The following VPS13C variants were observed in gnomAD, a reference collection of about 807,000 sequenced individuals.
VPS13C encodes vacuolar protein sorting 13 homolog C, also known as intermembrane lipid transfer protein VPS13C.
A neutral mutation model predicts 456.8 loss-of-function variants in VPS13C; 358 were observed. That is an observed-to-expected ratio of 0.78 (90% CI 0.72 to 0.86). The LOEUF is 0.86. Ranked by LOEUF, VPS13C falls within the 40% of genes least tolerant of loss-of-function variation. The pLI, the probability that VPS13C is intolerant of heterozygous loss-of-function variation, is 0.00. For missense variants in VPS13C, 4,818 were observed against 4,385.4 expected, an observed-to-expected ratio of 1.10 and a Z score of -2.79; for synonymous variants, 1,578 against 1,486.7, an observed-to-expected ratio of 1.06 and a Z score of -1.41.
intron 15 of VPS13C, among the ~76,000 whole-genome samples, chr15:62,003,782 T>A (rs1456539163): frequency 6.6e-6 from 1 of 151,904 alleles, no homozygotes; most frequent in Non-Finnish European, 1.5e-5. Context: ...GATAATCATG[T>A]GGTTTTTGTC....
At chr15:62,003,214 C>G (rs923639339) in intron 15 of VPS13C, among the ~76,000 whole-genome samples, 7 of 151,552 alleles carry the variant, frequency 4.6e-5, no homozygotes, top group Admixed American at 6.5e-5. Flanking sequence ...GTTTGTAGTT[C>G]TCCTTGAAGA....
At chr15:62,012,893 T>C (rs954899198) in intron 11 of VPS13C, 146 bp downstream of exon 11, 13 of 502,392 alleles carry the variant, frequency 2.6e-5, no homozygotes, top group East Asian at 1.7e-4. Context: ...CATAGTGGAT[T>C]TGAAAGGATG....
At chr15:61,947,451 C>T (rs940498616) in intron 42 of VPS13C, 142 bp from the exon 43 acceptor site, 3 of 535,380 alleles carry the variant, frequency 5.6e-6, no homozygotes, top group Non-Finnish European at 9.9e-6. Context: ...ATGTAATTAA[C>T]ATAAATTTTG....
rs1207713664 is a variant in VPS13C, at chr15:61,880,719, TTGTC to T, written c.9889-1_9891del. 3.2e-6 allele frequency: 5 copies of T among 1,571,090 alleles called. No homozygotes were observed. The highest frequency in any genetic ancestry group is 3.4e-6 in the Non-Finnish European group (4 of 1,160,466). ...GCATCAATATCTTGTTGGATTAACTTTGTCTGAAAAAAATAAAATCAAGAATTTC... is the reference window on the plus strand; with the variant it reads ...GCATCAATATCTTGTTGGATTAACTTTGAAAAAAATAAAATCAAGAATTTC... On this transcript the variant is annotated splice_acceptor_variant and coding_sequence_variant, in exon 73 of 85. Transcript: ENST00000644861. LOFTEE classifies it high-confidence loss of function.
chr15:61,964,983 G>C lies in VPS13C; in HGVS notation c.3052-122C>G, dbSNP rs529648159. On this transcript the variant is annotated intron_variant, in intron 30 of 84. Coordinates refer to ENST00000644861, the MANE Select transcript of VPS13C (RefSeq NM_020821.3). ...ATTGCTTTCCACCACTCTGAAGGAA[G>C]AGTAAAAAGTGGAAGATTCACAATC... is the stretch of plus-strand genomic sequence containing the variant. The C allele has an allele frequency of 2.8e-5, 25 of 898,350 alleles. No homozygotes were observed. The African/African-American group carries it at 3.9e-4, about 14-fold the overall frequency. The allele number at this position is 898,350 out of a possible 1,614,324, so 55.6% of individuals were successfully genotyped here. A position where few individuals can be genotyped will look rare whatever the true frequency, so the allele number is the denominator to read the frequency against.
chr15:62,022,350 T>C (rs1026727432), intron 8 of VPS13C, among the ~76,000 whole-genome samples: 3 of 151,950 alleles, frequency 2.0e-5, no homozygotes, highest in Admixed American at 2.0e-4. Context: ...CTCCACACTG[T>C]TTTCCAAAAT....
In VPS13C at chr15:62,023,464, T is replaced by A; in HGVS notation, c.571A>T (p.Ile191Leu). ...GTGATTTTTACTTGTACATTTTTTA[T>A]TACTTGAGTTGCCAATTTTTCCACA... ...TFVEKLATQV[I>L]KNVQVKITDI... Residue 191 changes from isoleucine (I) to leucine (L), a missense_variant, in exon 8 of 85, where the codon ATA (isoleucine) becomes TTA (leucine). Ile to Leu is a conservative substitution (Grantham distance 5). Transcript: ENST00000644861. 6.3e-7 allele frequency: 1 copy of A among 1,586,106 alleles called. No homozygotes were observed. Among genetic ancestry groups the A allele is most frequent in the Non-Finnish European group, 8.6e-7 (1 of 1,168,660 alleles).
At chr15:61,884,696 ACTT>A (rs915481595) in intron 67 of VPS13C, among the ~76,000 whole-genome samples, 2 of 151,618 alleles carry the variant, frequency 1.3e-5, no homozygotes, top group Non-Finnish European at 2.9e-5. Context: ...GAAAAAAAAA[ACTT>A]CTTTTGTGAA....
chr15:61,919,311 AT>A lies in VPS13C; in HGVS notation c.7615del (p.Ile2539LeufsTer34). 6.2e-7 allele frequency: 1 copy of A among 1,605,282 alleles called. No homozygotes were observed. Among genetic ancestry groups the A allele is most frequent in the South Asian group, 1.1e-5 (1 of 89,130 alleles). The part of the protein sequence containing the change: ...QIDATEGNKV[I>X]TLRSPLQIKN... ...TACCTGTAGAGGAGAGCGAAGGGTA[AT>A]TACTTTATTCCCTTCAGTTGCATCA... On this transcript the variant is annotated frameshift_variant, in exon 58 of 85. Transcript: ENST00000644861. LOFTEE classifies it high-confidence loss of function.
chr15:61,857,396 C>G (rs1596259815), intron 82 of VPS13C, among the ~76,000 whole-genome samples: 3 of 152,164 alleles, frequency 2.0e-5, no homozygotes, highest in Non-Finnish European at 4.4e-5. Context: ...AGGGAAATGA[C>G]AGCCCAGACA....
chr15:61,854,861 A>ACC lies in VPS13C; in HGVS notation c.11160+9_11160+10insGG. 1 of 1,596,628 alleles carries ACC rather than the reference A, an allele frequency of 6.3e-7. No homozygotes were observed. The highest frequency in any genetic ancestry group is 8.5e-7 in the Non-Finnish European group (1 of 1,175,600). ...AAAAAAAATTGAGGCATGCTCTTTA[A>ACC]ATTGTTTACCTCTGCTGTGGCGGTG... On this transcript the variant is annotated intron_variant, in intron 84 of 84. Transcript: ENST00000644861.
In VPS13C at chr15:61,922,615, C is replaced by A; in HGVS notation, c.6757G>T (p.Gly2253Cys). The A allele has an allele frequency of 6.2e-7, 1 of 1,613,974 alleles. No homozygotes were observed. Among genetic ancestry groups the A allele is most frequent in the Non-Finnish European group, 8.5e-7 (1 of 1,179,928 alleles). ...SINDYNTWFL[G>C]VDTATEITES... Reference sequence around the variant, plus strand: ...GTTATTTCTGTTGCCGTGTCAACACCAAGAAACCAAGTGTTATAATCATTA... The same window carrying A: ...GTTATTTCTGTTGCCGTGTCAACACAAAGAAACCAAGTGTTATAATCATTA... The change falls in exon 54 of 85, where the codon GGT becomes TGT. Residue 2253 changes from glycine to cysteine, a missense_variant. Transcript: ENST00000644861.
intron 21 of VPS13C, 32 bp downstream of exon 21, chr15:61,982,427 C>T (rs1339726862): frequency 6.5e-7 from 1 of 1,540,300 alleles, no homozygotes; most frequent in Non-Finnish European, 8.8e-7. Flanking sequence ...TTAAGCTTAG[C>T]TGATGCTTAT....
rs147773344 is a variant in VPS13C, at chr15:61,911,964, C to T, written c.8591G>A (p.Arg2864Gln). The change falls in exon 63 of 85, where the codon CGA (arginine) becomes CAA (glutamine). Residue 2864 changes from arginine to glutamine, a missense_variant. This residue lies in a region of VPS13C where 4,552 missense variants were observed against 4,130.6 expected (regional missense o/e 1.10). Transcript: ENST00000644861. ...ACAAAAGGGAGTCAGGGTAACTATT[C>T]GTGAAAGGTTGAAACTGCTCATTTT... ...SIKMSSFNLS[R>Q]IVTLTPFCTI... The T allele has an allele frequency of 3.2e-5, 51 of 1,610,194 alleles. No individual in the cohort carries two copies. The highest frequency in any genetic ancestry group is 6.7e-5 in the Admixed American group (4 of 59,788).
intron 78 of VPS13C, 141 bp from the exon 79 acceptor site, chr15:61,872,175 A>T (rs564831932): frequency 6.6e-6 from 4 of 607,066 alleles, no homozygotes; most frequent in African/African-American, 5.6e-5. Context: ...AATGTGAACA[A>T]CATACACATA....
intron 81 of VPS13C, 87 bp downstream of exon 81, chr15:61,868,572 A>G: frequency 9.4e-7 from 1 of 1,069,046 alleles, no homozygotes; most frequent in South Asian, 1.4e-5. Flanking sequence ...TTCAAGAATC[A>G]GGAACTTTAA....
chr15:61,936,519 C>G (rs2044230655), intron 48 of VPS13C, 78 bp downstream of exon 48: 4 of 1,383,820 alleles, frequency 2.9e-6, no homozygotes, highest in Admixed American at 2.5e-5. Flanking sequence ...TTGTGCTGGA[C>G]AGCTAGAAAA....
At position 62,045,517 on chromosome 15, in the gene VPS13C, G is replaced by A. The variant is rs1048645269; in HGVS notation, c.101-1262C>T. Among the ~76,000 whole-genome samples, 12 of 152,246 alleles carry A rather than the reference G, an allele frequency of 7.9e-5. No homozygotes were observed. In the South Asian group the frequency reaches 1.0e-3, roughly 13 times the overall value. The stretch of plus-strand genomic sequence containing the variant: ...CATTTTAGAAAGCACATATGGTTTG[G>A]TGTAACTGGAGGGTATAAGAAAAGG... On this transcript the variant is annotated intron_variant, in intron 1 of 84. Coordinates refer to ENST00000644861, the MANE Select transcript of VPS13C (RefSeq NM_020821.3).
intron 82 of VPS13C, among the ~76,000 whole-genome samples, chr15:61,860,695 T>C (rs1038770796): frequency 2.0e-5 from 3 of 152,142 alleles, no homozygotes; most frequent in Non-Finnish European, 4.4e-5. Context: ...CATGAAAAAT[T>C]GACAAGACTA....
Sources: allele counts gnomAD v4.1 joint callset (sites outside exome capture counted in the v4.1 genomes callset), GRCh38; gene constraint gnomAD v4.1.1; regional missense constraint gnomAD v4.1.1; transcripts MANE v1.5; gene names NCBI Gene and HGNC (gene_info 2026-07-23, HGNC 2026-07-21).